Variants in RRP1B observed in about 807,000 individuals in gnomAD.
RRP1B encodes ribosomal RNA processing protein 1 homolog B.
In RRP1B, 56 loss-of-function variants were observed where a neutral mutation model predicts 80.2. The ratio of observed to expected loss-of-function variants is 0.70; its 90% confidence interval spans 0.56 to 0.87. The LOEUF (loss-of-function observed/expected upper bound fraction) is 0.87, where lower values mean the gene tolerates loss of function less well. RRP1B is among the 40% of genes least tolerant of loss of function. The pLI is 0.00. For missense variants in RRP1B, 807 were observed against 939.8 expected (o/e 0.86, Z 1.85); for synonymous variants, 351 against 357.6 (o/e 0.98, Z 0.21).
chr21:43,665,137 A>C (rs1259375191), intron 1 of RRP1B, among the ~76,000 whole-genome samples: 2 of 152,228 alleles, frequency 1.3e-5, no homozygotes, highest in African/African-American at 4.8e-5. Flanking sequence ...GGTGTGGGCT[A>C]TCCATAGCAG....
intron 1 of RRP1B, among the ~76,000 whole-genome samples, chr21:43,664,626 ACAAT>A (rs2082971200): frequency 3.3e-5 from 5 of 152,346 alleles, no homozygotes; most frequent in Admixed American, 3.3e-4. Context: ...TAGAAAAGAG[ACAAT>A]CAGAGTATCT....
At chr21:43,684,467 G>A in intron 9 of RRP1B, 86 bp from the exon 10 acceptor site, 1 of 1,138,110 alleles carries the variant, frequency 8.8e-7, no homozygotes, top group Non-Finnish European at 1.3e-6. Context: ...CTTCAGTAAG[G>A]GTTTCTCTTA....
intron 12 of RRP1B, 30 bp downstream of exon 12, chr21:43,686,965 G>T: frequency 1.2e-6 from 2 of 1,607,470 alleles, no homozygotes; most frequent in South Asian, 2.2e-5. Flanking sequence ...AGAAGGGCAC[G>T]ACTCAGCCCT....
At chr21:43,665,381 C>G (rs2082974437) in intron 1 of RRP1B, among the ~76,000 whole-genome samples, 1 of 152,206 alleles carries the variant, frequency 6.6e-6, no homozygotes, top group Non-Finnish European at 1.5e-5. Flanking sequence ...ATCAGTCCCT[C>G]TGGTTCAGAG....
chr21:43,684,689 T>C, intron 10 of RRP1B, 39 bp downstream of exon 10: 1 of 1,515,038 alleles, frequency 6.6e-7, no homozygotes, highest in Non-Finnish European at 9.2e-7. Context: ...TCATCATTCC[T>C]TTAGTTCTCA....
At chr21:43,668,836 G>A (rs867720051) in intron 1 of RRP1B, among the ~76,000 whole-genome samples, 23 of 152,268 alleles carry the variant, frequency 1.5e-4, no homozygotes, top group African/African-American at 4.6e-4. Context: ...CAAGACTTGA[G>A]GATTCTGTTT....
intron 1 of RRP1B, among the ~76,000 whole-genome samples, chr21:43,662,736 A>G (rs2082962701): frequency 6.6e-6 from 1 of 152,062 alleles, no homozygotes; most frequent in Admixed American, 6.6e-5. Flanking sequence ...ATAAGAGCTT[A>G]TTTGTCCCAA....
intron 1 of RRP1B, among the ~76,000 whole-genome samples, chr21:43,660,800 G>A (rs1308359703): frequency 1.3e-5 from 2 of 152,146 alleles, no homozygotes; most frequent in Admixed American, 1.3e-4. Context: ...ATGAGATGAA[G>A]TTGGAGATGT....
In RRP1B at chr21:43,695,409, C is replaced by T. The variant is rs1280896554; in HGVS notation, c.*2026C>T. The T allele has an allele frequency of 1.3e-5, 2 of 152,134 alleles. No individual in the cohort carries two copies. Among genetic ancestry groups the T allele is most frequent in the African/African-American group, 4.8e-5 (2 of 41,408 alleles). 9.4% of individuals were successfully genotyped at this position (152,134 alleles called of 1,614,324 possible). Reference sequence around the variant, plus strand: ...GGAACCAGTGAATGTCCTATAAATGCACCTCCTGTCAAAACCATGCCTGAG... The same window carrying T: ...GGAACCAGTGAATGTCCTATAAATGTACCTCCTGTCAAAACCATGCCTGAG... On this transcript the variant is annotated 3_prime_UTR_variant, in exon 16 of 16. Transcript: ENST00000340648.
intron 14 of RRP1B, among the ~76,000 whole-genome samples, chr21:43,690,857 A>G (rs1439098364): frequency 6.6e-6 from 1 of 152,218 alleles, no homozygotes; most frequent in African/African-American, 2.4e-5. Flanking sequence ...TAAGTAGGAA[A>G]GAAGATAGTT....
chr21:43,682,107 C>T (rs1340738214), intron 8 of RRP1B, among the ~76,000 whole-genome samples: 1 of 151,926 alleles, frequency 6.6e-6, no homozygotes, highest in South Asian at 2.1e-4. Flanking sequence ...ATCTCTAAAA[C>T]AAAACGAAAA....
At chr21:43,679,659 G>A (rs553369745) in intron 8 of RRP1B, among the ~76,000 whole-genome samples, 4 of 152,234 alleles carry the variant, frequency 2.6e-5, no homozygotes, top group Admixed American at 2.0e-4. Context: ...GTTTTTTCTA[G>A]TTCTGTGAAG....
At chr21:43,671,810 C>T (rs1362758547) in intron 2 of RRP1B, among the ~76,000 whole-genome samples, 2 of 152,094 alleles carry the variant, frequency 1.3e-5, no homozygotes, top group African/African-American at 4.8e-5. Flanking sequence ...CTCAGCCTCT[C>T]GAGTAGCTGG....
intron 9 of RRP1B, 95 bp downstream of exon 9, chr21:43,683,468 T>G: frequency 3.4e-6 from 3 of 893,242 alleles, no homozygotes; most frequent in Non-Finnish European, 5.3e-6. Context: ...CTATAAGGCC[T>G]GAAGCGTAAA....
chr21:43,687,583 G>C lies in RRP1B; in HGVS notation c.1209G>C (p.Lys403Asn), dbSNP rs1188268320. Residue 403 changes from lysine (K) to asparagine (N), a missense_variant, in exon 13 of 16, where the codon AAG becomes AAC. Coordinates refer to ENST00000340648, the MANE Select transcript of RRP1B (RefSeq NM_015056.3). ...GTCTTCAAAAGAGAAGAAGGAAGAA[G>C]AAGAAGAAGCACCACCTGCAGCCTG... Reference protein sequence around the residue: ...ESSLQKRRRKKKKKHHLQPEN... With the variant: ...ESSLQKRRRKNKKKHHLQPEN... 6.6e-7 allele frequency: 1 copy of C among 1,510,200 alleles called. No homozygotes were observed. Among genetic ancestry groups the C allele is most frequent in the Non-Finnish European group, 8.8e-7 (1 of 1,136,316 alleles). 93.5% of individuals were successfully genotyped at this position (1,510,200 alleles called of 1,614,324 possible).
chr21:43,684,482 C>T (rs371014271), intron 9 of RRP1B, 71 bp from the exon 10 acceptor site: 1 of 1,287,068 alleles, frequency 7.8e-7, no homozygotes, highest in Non-Finnish European at 1.1e-6. Flanking sequence ...CTCTTACTAG[C>T]AGATGTAAAT....
intron 11 of RRP1B, 62 bp from the exon 12 acceptor site, chr21:43,686,742 G>C: frequency 1.3e-6 from 2 of 1,596,986 alleles, no homozygotes; most frequent in Non-Finnish European, 1.7e-6. Context: ...GCTGCTCTTA[G>C]GCCCCTGGGG....
chr21:43,672,665 A>C lies in RRP1B; in HGVS notation c.271+300A>C, dbSNP rs563247815. Among the ~76,000 whole-genome samples, 11 of 152,298 alleles carry C rather than the reference A, an allele frequency of 7.2e-5. No individual in the cohort carries two copies. The South Asian group carries it at 2.1e-3, about 29-fold the overall frequency. ...ATGCAGGGTCCACGGTGACCTCTGGATGCCAGGTTCGTCTTCCCCAAGAGC... is the reference window on the plus strand; with the variant it reads ...ATGCAGGGTCCACGGTGACCTCTGGCTGCCAGGTTCGTCTTCCCCAAGAGC... On this transcript the variant is annotated intron_variant, in intron 3 of 15. Coordinates refer to ENST00000340648, the MANE Select transcript of RRP1B (RefSeq NM_015056.3).
chr21:43,685,871 A>G (rs1344924632), intron 11 of RRP1B, 82 bp downstream of exon 11: 21 of 1,506,990 alleles, frequency 1.4e-5, no homozygotes, highest in Non-Finnish European at 1.9e-5. Context: ...AAACGCTGAG[A>G]AACAAGATTG....
Sources: gnomAD v4.1 joint callset for allele counts (sites outside exome capture counted in the v4.1 genomes callset) on GRCh38, gnomAD v4.1.1 for gene constraint, MANE v1.5 for transcripts, NCBI Gene and HGNC (gene_info 2026-07-23, HGNC 2026-07-21) for gene names.